Variants in PRKN observed in about 807,000 individuals in gnomAD.
PRKN encodes E3 ubiquitin-protein ligase parkin.
In PRKN, 56 loss-of-function variants were observed where a neutral mutation model predicts 59.5. That is an observed-to-expected ratio of 0.94 (90% CI 0.76 to 1.18). PRKN has a LOEUF of 1.18. Among genes scored for constraint, PRKN ranks in the 50% most tolerant of loss-of-function variants. The pLI is 0.00. For synonymous variants in PRKN, 250 were observed against 222.1 expected, an observed-to-expected ratio of 1.13 and a Z score of -1.12; for missense variants, 657 against 596.4, an observed-to-expected ratio of 1.10 and a Z score of -1.06.
chr6:162,017,732 T>C (rs1782981638), intron 5 of PRKN, among the ~76,000 whole-genome samples: 1 of 152,196 alleles, frequency 6.6e-6, no homozygotes, highest in South Asian at 2.1e-4. Flanking sequence ...ATCACATCCA[T>C]CATCTTCTGA....
In PRKN at chr6:162,475,117, T is replaced by C. The variant is rs1231469052; in HGVS notation, c.8-31644A>G. ...TTATCAGCAATATTAAAAATGATTATGTGATGAATAGCTTTCAGTCTATAC... is the reference window on the plus strand; with the variant it reads ...TTATCAGCAATATTAAAAATGATTACGTGATGAATAGCTTTCAGTCTATAC... On this transcript the variant is annotated intron_variant, in intron 1 of 11. Coordinates refer to ENST00000366898, the MANE Select transcript of PRKN (RefSeq NM_004562.3). Among the ~76,000 whole-genome samples the C allele has an allele frequency of 2.6e-5, 4 of 152,174 alleles. No individual in the cohort carries two copies. The East Asian group carries it at 7.7e-4, about 29-fold the overall frequency.
intron 7 of PRKN, among the ~76,000 whole-genome samples, chr6:161,654,647 G>C (rs1352469868): frequency 6.6e-6 from 1 of 152,184 alleles, no homozygotes; most frequent in Non-Finnish European, 1.5e-5. Context: ...TTCGGATGCA[G>C]ACAAAGAAAC....
chr6:161,525,495 G>A lies in PRKN; in HGVS notation c.1083+23359C>T, dbSNP rs1276558194. ...AACAGGTCAGGGATATTGGGAGCAG[G>A]AGAACTGTGGTGCTGCATGAATTTA... On this transcript the variant is annotated intron_variant, in intron 9 of 11. Coordinates refer to ENST00000366898, the MANE Select transcript of PRKN (RefSeq NM_004562.3). The surrounding 1 kb of genome is among the most constrained non-coding windows in gnomAD (Gnocchi z 4.7). Among the ~76,000 whole-genome samples the A allele has an allele frequency of 6.6e-6, 1 of 152,186 alleles. No individual in the cohort carries two copies. The highest frequency in any genetic ancestry group is 2.4e-5 in the African/African-American group (1 of 41,438).
intron 1 of PRKN, among the ~76,000 whole-genome samples, chr6:162,557,255 T>G (rs1296254724): frequency 6.6e-6 from 1 of 152,182 alleles, no homozygotes; most frequent in Non-Finnish European, 1.5e-5. Context: ...GGCCAGCTGT[T>G]ATAATACACC....
intron 7 of PRKN, among the ~76,000 whole-genome samples, chr6:161,572,384 G>C (rs944188572): frequency 6.6e-6 from 1 of 152,006 alleles, no homozygotes; most frequent in African/African-American, 2.4e-5. Flanking sequence ...AATCCTGGCC[G>C]GGCATGGTGG....
At position 161,444,717 on chromosome 6, in the gene PRKN, G is replaced by A. The variant is rs1000955353; in HGVS notation, c.1084-57840C>T. ...GCACGAGCGCTACCGCGTGGCGGTG[G>A]AAACATTTGTTCCCCTTGATGAATG... On this transcript the variant is annotated intron_variant, in intron 9 of 11. Coordinates refer to ENST00000366898, the MANE Select transcript of PRKN (RefSeq NM_004562.3). The surrounding 1 kb of genome is among the most constrained non-coding windows in gnomAD (Gnocchi z 5.6). Among the ~76,000 whole-genome samples the A allele has an allele frequency of 2.0e-5, 3 of 152,226 alleles. No homozygotes were observed. The highest frequency in any genetic ancestry group is 2.9e-5 in the Non-Finnish European group (2 of 68,042).
intron 7 of PRKN, among the ~76,000 whole-genome samples, chr6:161,666,900 C>T (rs1784745960): frequency 6.6e-6 from 1 of 152,152 alleles, no homozygotes; most frequent in South Asian, 2.1e-4. Context: ...TCACCAGTCC[C>T]CACAGTAGGC....
chr6:162,405,174 G>C (rs911707450), intron 2 of PRKN, among the ~76,000 whole-genome samples: 29 of 152,230 alleles, frequency 1.9e-4, no homozygotes, highest in Admixed American at 1.8e-3. Flanking sequence ...TCTGACACTT[G>C]GACGTCTTCC....
At chr6:162,236,877 GGA>G (rs147351984) in intron 3 of PRKN, among the ~76,000 whole-genome samples, 23 of 149,108 alleles carry the variant, frequency 1.5e-4, no homozygotes, top group Non-Finnish European at 2.4e-4. Flanking sequence ...AGAAAGAATG[GGA>G]GAGAGAGAGA....
Position 162,717,565 on chromosome 6 carries a change from CAA to C in PRKN, c.7+10095_7+10096del, listed in dbSNP as rs34053908. Reference sequence around the variant, plus strand: ...TGAGTGACAGAGGGAGATCTTGTCTCAAAAAAAAAAAAAAAAAAAAGTCATTT... The same window carrying C: ...TGAGTGACAGAGGGAGATCTTGTCTCAAAAAAAAAAAAAAAAAAGTCATTT... On this transcript the variant is annotated intron_variant, in intron 1 of 11. Coordinates refer to ENST00000366898, the MANE Select transcript of PRKN (RefSeq NM_004562.3). Among the ~76,000 whole-genome samples, 759 of 117,708 alleles carry C rather than the reference CAA, an allele frequency of 6.4e-3. 3 individuals are homozygous for C. Among genetic ancestry groups the C allele is most frequent in the African/African-American group, 0.018 (549 of 30,948 alleles). The allele number at this position is 117,708 out of a possible 152,430, so 77.2% of individuals were successfully genotyped here. A position where few individuals can be genotyped will look rare whatever the true frequency, so the allele number is the denominator to read the frequency against.
At chr6:162,137,122 A>G (rs1781587914) in intron 4 of PRKN, among the ~76,000 whole-genome samples, 3 of 152,182 alleles carry the variant, frequency 2.0e-5, no homozygotes, top group Admixed American at 1.3e-4. Context: ...ATGACTATCA[A>G]AGAATCATTT....
At chr6:161,811,018 CTCAAAATGA>C (rs1451625030) in intron 6 of PRKN, among the ~76,000 whole-genome samples, 1 of 152,104 alleles carries the variant, frequency 6.6e-6, no homozygotes, top group Non-Finnish European at 1.5e-5. Flanking sequence ...AATAGTAATT[CTCAAAATGA>C]TCTGTAGATT....
At chr6:162,203,974 G>A (rs1045113826) in intron 3 of PRKN, among the ~76,000 whole-genome samples, 11 of 152,066 alleles carry the variant, frequency 7.2e-5, no homozygotes, top group African/African-American at 2.4e-4. Context: ...ATTTCGCCAC[G>A]TTTGGGTTCC....
At chr6:162,361,878 T>G (rs1431706864) in intron 2 of PRKN, among the ~76,000 whole-genome samples, 1 of 152,144 alleles carries the variant, frequency 6.6e-6, no homozygotes, top group Non-Finnish European at 1.5e-5. Flanking sequence ...TATAACATTC[T>G]TGGAGAAACA....
intron 9 of PRKN, among the ~76,000 whole-genome samples, chr6:161,506,411 T>G (rs1440769978): frequency 6.6e-6 from 1 of 152,194 alleles, no homozygotes; most frequent in Non-Finnish European, 1.5e-5. Flanking sequence ...GCTTATCAGC[T>G]TAAGGAGATT....
Position 161,373,106 on chromosome 6 carries a change from G to T in PRKN, c.1168-12901C>A, listed in dbSNP as rs1420880726. ...GCTGCCGGTGTGAACCACCACACTC[G>T]GTAGGGCAGAATTTTTCTCTTCTCT... On this transcript the variant is annotated intron_variant, in intron 10 of 11. Transcript: ENST00000366898. The surrounding 1 kb of genome is among the most constrained non-coding windows in gnomAD (Gnocchi z 4.8). Among the ~76,000 whole-genome samples, 1 of 152,072 alleles carries T rather than the reference G, an allele frequency of 6.6e-6. No homozygotes were observed. Among genetic ancestry groups the T allele is most frequent in the Non-Finnish European group, 1.5e-5 (1 of 68,014 alleles).
At chr6:161,903,651 A>G (rs1412478713) in intron 6 of PRKN, among the ~76,000 whole-genome samples, 2 of 152,156 alleles carry the variant, frequency 1.3e-5, no homozygotes, top group Non-Finnish European at 2.9e-5. Flanking sequence ...AAAACCTACA[A>G]AACACAGTGC....
chr6:162,356,210 A>G (rs1784849191), intron 2 of PRKN, among the ~76,000 whole-genome samples: 1 of 152,194 alleles, frequency 6.6e-6, no homozygotes, highest in Non-Finnish European at 1.5e-5. Flanking sequence ...TATTCAATAA[A>G]TTGACTACGT....
chr6:162,648,997 C>G (rs1198901152), intron 1 of PRKN, among the ~76,000 whole-genome samples: 1 of 152,152 alleles, frequency 6.6e-6, no homozygotes, highest in African/African-American at 2.4e-5. Flanking sequence ...AATTGTGCCT[C>G]AAGACTGCAA....
Sources: gnomAD v4.1 joint callset for allele counts (sites outside exome capture counted in the v4.1 genomes callset) on GRCh38, gnomAD v4.1.1 for gene constraint, Gnocchi (gnomAD v3.1) non-coding constraint, MANE v1.5 for transcripts, NCBI Gene and HGNC (gene_info 2026-07-23, HGNC 2026-07-21) for gene names.